The following PTPRT variants were observed in gnomAD, a reference collection of about 807,000 sequenced individuals.
PTPRT encodes protein tyrosine phosphatase receptor type T.
Under a neutral mutation model 176.8 loss-of-function variants are expected in PTPRT, and 56 were observed. That is an observed-to-expected ratio of 0.32 (90% CI 0.26 to 0.40). The LOEUF is 0.40. PTPRT is among the 10% of genes least tolerant of loss of function. PTPRT has a pLI of 1.00. For missense variants in PTPRT, 1,540 were observed against 1,908.2 expected, an observed-to-expected ratio of 0.81 and a Z score of 3.60; for synonymous variants, 783 against 739.0, an observed-to-expected ratio of 1.06 and a Z score of -0.96.
chr20:42,743,267 A>T (rs929430501), intron 6 of PTPRT, among the ~76,000 whole-genome samples: 3 of 152,222 alleles, frequency 2.0e-5, no homozygotes, highest in Non-Finnish European at 4.4e-5. Flanking sequence ...TTAATAATGA[A>T]AAGCTGGTGC....
intron 9 of PTPRT, among the ~76,000 whole-genome samples, chr20:42,406,846 A>C (rs980167878): frequency 8.5e-5 from 13 of 152,222 alleles, no homozygotes. Context: ...AATGTATTAC[A>C]AACAGAAATT....
intron 16 of PTPRT, among the ~76,000 whole-genome samples, chr20:42,194,549 A>T (rs1991125345): frequency 6.6e-6 from 1 of 152,230 alleles, no homozygotes; most frequent in Non-Finnish European, 1.5e-5. Flanking sequence ...AAAATGAACA[A>T]GAAGATGACA....
chr20:42,634,014 ATAT>A (rs1273207438), intron 7 of PTPRT, among the ~76,000 whole-genome samples: 1 of 28,514 alleles, frequency 3.5e-5, no homozygotes, highest in African/African-American at 1.8e-4. Flanking sequence ...TATATATAAT[ATAT>A]ATATAATATA....
intron 7 of PTPRT, among the ~76,000 whole-genome samples, chr20:42,490,476 T>C (rs1487984243): frequency 6.6e-6 from 1 of 152,186 alleles, no homozygotes; most frequent in African/African-American, 2.4e-5. Context: ...ATCATTTGTA[T>C]TACAATTGTC....
chr20:42,651,117 AT>A (rs2075022543), intron 7 of PTPRT, among the ~76,000 whole-genome samples: 1 of 152,030 alleles, frequency 6.6e-6, no homozygotes, highest in Admixed American at 6.5e-5. Context: ...AAAGGGTTCT[AT>A]AAACAAAAAG....
At chr20:42,586,814 T>A (rs2073478797) in intron 7 of PTPRT, among the ~76,000 whole-genome samples, 1 of 152,168 alleles carries the variant, frequency 6.6e-6, no homozygotes, top group African/African-American at 2.4e-5. Flanking sequence ...ATACCCCATG[T>A]ATATAACCCG....
At chr20:42,534,862 G>C (rs1568957613) in intron 7 of PTPRT, among the ~76,000 whole-genome samples, 1 of 152,074 alleles carries the variant, frequency 6.6e-6, no homozygotes, top group Admixed American at 6.5e-5. Context: ...AACATAAGGT[G>C]ACTGTGGGAA....
intron 9 of PTPRT, among the ~76,000 whole-genome samples, chr20:42,405,026 A>C (rs2058947232): frequency 6.8e-6 from 1 of 147,102 alleles, no homozygotes; most frequent in Non-Finnish European, 1.5e-5. Flanking sequence ...ATATAGCACC[A>C]TTATGCACTA....
At chr20:42,971,215 G>T (rs575588684) in intron 1 of PTPRT, 1 of 152,338 alleles carries the variant, frequency 6.6e-6, no homozygotes, top group African/African-American at 2.4e-5. Context: ...GAGTCAAAGT[G>T]CATGTAGAAA....
At chr20:43,156,025 G>C (rs2014509591) in intron 1 of PTPRT, among the ~76,000 whole-genome samples, 1 of 152,122 alleles carries the variant, frequency 6.6e-6, no homozygotes, top group Non-Finnish European at 1.5e-5. Flanking sequence ...CATTTTATCT[G>C]GGCATTTTTA....
intron 9 of PTPRT, among the ~76,000 whole-genome samples, chr20:42,416,382 A>G (rs966655468): frequency 2.2e-4 from 33 of 152,300 alleles, no homozygotes; most frequent in African/African-American, 7.9e-4. Flanking sequence ...ATTGTAAGAG[A>G]ATAAATCTCT....
chr20:42,108,788 A>C (rs563890160), intron 23 of PTPRT, among the ~76,000 whole-genome samples: 47 of 149,696 alleles, frequency 3.1e-4, no homozygotes, highest in Non-Finnish European at 6.5e-4. Flanking sequence ...TCTCTTAGGC[A>C]CTTAGCCAAC....
In PTPRT at chr20:42,315,965, G is replaced by C. The variant is rs1203236282; in HGVS notation, c.1897C>G (p.Leu633Val). ...VYQLVVKEER[L>V]QKSRRAADII... The stretch of plus-strand genomic sequence containing the variant: ...TCAGCTGCCCTCCGTGACTTCTGAA[G>C]TCGCTCCTCCTTGACAACCAGCTGA... The change falls in exon 12 of 31, where the codon CTT becomes GTT. Residue 633 changes from leucine to valine, a missense_variant. By Grantham distance (32) the Leu-to-Val change is conservative. This residue lies in a region of PTPRT where 81 missense variants were observed against 89.9 expected (regional missense o/e 0.90). Transcript: ENST00000373187. 6.2e-7 allele frequency: 1 copy of C among 1,614,100 alleles called. No individual in the cohort carries two copies. The highest frequency in any genetic ancestry group is 2.2e-5 in the East Asian group (1 of 44,884).
intron 1 of PTPRT, among the ~76,000 whole-genome samples, chr20:43,097,447 C>A (rs551875207): frequency 6.6e-6 from 1 of 152,340 alleles, no homozygotes; most frequent in African/African-American, 2.4e-5. Context: ...GGCCACAGAA[C>A]ATTAATGAGC....
chr20:42,642,772 G>A (rs976261688), intron 7 of PTPRT, among the ~76,000 whole-genome samples: 1 of 152,148 alleles, frequency 6.6e-6, no homozygotes, highest in Non-Finnish European at 1.5e-5. Context: ...GGAGGTTAAT[G>A]TAAAAAACCA....
intron 1 of PTPRT, among the ~76,000 whole-genome samples, chr20:43,126,741 C>T (rs973664257): frequency 1.3e-5 from 2 of 152,206 alleles, no homozygotes; most frequent in African/African-American, 2.4e-5. Context: ...GCCCCAATAT[C>T]CCTTTCAGTC....
intron 6 of PTPRT, among the ~76,000 whole-genome samples, chr20:42,717,911 G>A (rs2076249807): frequency 6.6e-6 from 1 of 152,208 alleles, no homozygotes; most frequent in South Asian, 2.1e-4. Context: ...ACGCGCATAT[G>A]TAAAGGTTGC....
chr20:42,625,374 C>T (rs1173738179), intron 7 of PTPRT, among the ~76,000 whole-genome samples: 1 of 151,336 alleles, frequency 6.6e-6, no homozygotes, highest in East Asian at 1.9e-4. Flanking sequence ...TAGGTATGTA[C>T]TATGAAGTGA....
chr20:42,670,641 T>C (rs926446554), intron 7 of PTPRT, among the ~76,000 whole-genome samples: 1 of 152,138 alleles, frequency 6.6e-6, no homozygotes, highest in Non-Finnish European at 1.5e-5. Flanking sequence ...GCGTATGTGG[T>C]GTCTCTGGCT....
Sources: allele counts gnomAD v4.1 joint callset (sites outside exome capture counted in the v4.1 genomes callset), GRCh38; gene constraint gnomAD v4.1.1; regional missense constraint gnomAD v4.1.1; transcripts MANE v1.5; gene names NCBI Gene and HGNC (gene_info 2026-07-23, HGNC 2026-07-21).